FMNL2: variants seen among roughly 807,000 people sequenced by gnomAD.
FMNL2 encodes the protein formin-like protein 2.
Under a neutral mutation model 130.2 loss-of-function variants are expected in FMNL2, and 51 were observed. The observed-to-expected ratio is 0.39, with a 90% CI of 0.31 to 0.49. FMNL2 has a LOEUF of 0.49. FMNL2 is among the 20% of genes least tolerant of loss of function. The pLI, the probability that FMNL2 is intolerant of heterozygous loss-of-function variation, is 0.85. For missense variants in FMNL2, 977 were observed against 1,316.2 expected, an observed-to-expected ratio of 0.74 and a Z score of 3.99; for synonymous variants, 465 against 467.1, an observed-to-expected ratio of 1.00 and a Z score of 0.06.
chr2:152,584,842 C>G (rs1696979939), intron 9 of FMNL2, among the ~76,000 whole-genome samples: 1 of 152,038 alleles, frequency 6.6e-6, no homozygotes, highest in Non-Finnish European at 1.5e-5. Flanking sequence ...AAAAATCTTG[C>G]TACAAATCTT....
At chr2:152,377,818 T>G (rs1684253987) in intron 1 of FMNL2, among the ~76,000 whole-genome samples, 1 of 152,182 alleles carries the variant, frequency 6.6e-6, no homozygotes. Flanking sequence ...TCTCAAGTAG[T>G]CTTAAAGTTT....
At chr2:152,626,298 A>G (rs1025537407) in intron 16 of FMNL2, among the ~76,000 whole-genome samples, 1 of 152,154 alleles carries the variant, frequency 6.6e-6, no homozygotes, top group Non-Finnish European at 1.5e-5. Flanking sequence ...TGGCCTCCCA[A>G]AGTGCTGGGA....
chr2:152,547,609 C>T (rs1694715054), intron 3 of FMNL2, among the ~76,000 whole-genome samples: 1 of 152,164 alleles, frequency 6.6e-6, no homozygotes, highest in South Asian at 2.1e-4. Context: ...CTGTGCTGAG[C>T]CGTGCTTCAG....
chr2:152,557,916 A>G (rs929179760), intron 4 of FMNL2, among the ~76,000 whole-genome samples: 6 of 152,134 alleles, frequency 3.9e-5, no homozygotes, highest in South Asian at 2.1e-4. Flanking sequence ...ATCAGGTACC[A>G]TATGTTGTTT....
chr2:152,645,042 G>C (rs1683428216), intron 25 of FMNL2, among the ~76,000 whole-genome samples: 1 of 152,182 alleles, frequency 6.6e-6, no homozygotes, highest in Non-Finnish European at 1.5e-5. Flanking sequence ...TCTATGAATT[G>C]CACTTATGTA....
intron 2 of FMNL2, among the ~76,000 whole-genome samples, chr2:152,541,764 GTTC>G (rs1004400243): frequency 1.2e-4 from 19 of 152,022 alleles, no homozygotes; most frequent in Non-Finnish European, 1.8e-4. Flanking sequence ...GAAATCAGGT[GTTC>G]TTCTTGGCTC....
intron 6 of FMNL2, among the ~76,000 whole-genome samples, chr2:152,563,718 A>T (rs1193526432): frequency 6.6e-6 from 1 of 150,410 alleles, no homozygotes; most frequent in Non-Finnish European, 1.5e-5. Context: ...TAGCCATCTC[A>T]TTTCTGATTG....
At chr2:152,597,497 C>T (rs1350332936) in intron 9 of FMNL2, among the ~76,000 whole-genome samples, 1 of 152,178 alleles carries the variant, frequency 6.6e-6, no homozygotes, top group Non-Finnish European at 1.5e-5. Context: ...ATACCTTTTA[C>T]TGCTTCATCA....
At chr2:152,552,039 A>G (rs6756367) in intron 4 of FMNL2, among the ~76,000 whole-genome samples, 1,662 of 152,288 alleles carry the variant, frequency 0.011, 34 homozygotes, top group African/African-American at 0.038. Context: ...AATTTTTGCT[A>G]TGCCCCTTTC....
intron 9 of FMNL2, among the ~76,000 whole-genome samples, chr2:152,603,907 G>T (rs961143524): frequency 2.0e-5 from 3 of 150,876 alleles, no homozygotes; most frequent in Non-Finnish European, 3.0e-5. Context: ...AAGACTGAGG[G>T]TTTAATCAGC....
intron 1 of FMNL2, among the ~76,000 whole-genome samples, chr2:152,337,123 G>A (rs1022590699): frequency 1.3e-5 from 2 of 152,098 alleles, no homozygotes; most frequent in Non-Finnish European, 2.9e-5. Flanking sequence ...TGGCCGTCGG[G>A]GAGACAGATG....
At chr2:152,441,408 A>G (rs1688038698) in intron 1 of FMNL2, among the ~76,000 whole-genome samples, 1 of 152,192 alleles carries the variant, frequency 6.6e-6, no homozygotes, top group African/African-American at 2.4e-5. Context: ...GTGGTAGTGC[A>G]TGCATGTAGT....
chr2:152,500,646 T>C (rs1691770533), intron 1 of FMNL2, among the ~76,000 whole-genome samples: 1 of 152,128 alleles, frequency 6.6e-6, no homozygotes, highest in African/African-American at 2.4e-5. Flanking sequence ...TCAGGAGTTC[T>C]AGACCAGCCT....
intron 1 of FMNL2, among the ~76,000 whole-genome samples, chr2:152,489,538 G>C (rs1471178782): frequency 6.6e-6 from 1 of 152,232 alleles, no homozygotes; most frequent in East Asian, 1.9e-4. Flanking sequence ...GAAGGAGCAA[G>C]ATTAACAGAA....
intron 9 of FMNL2, among the ~76,000 whole-genome samples, chr2:152,590,979 ACTTTTTTTTTTTTTTTTTTTTTTTT>A (rs1697400810): frequency 1.1e-5 from 1 of 87,982 alleles, no homozygotes; most frequent in Non-Finnish European, 2.4e-5. Context: ...CCCTCTGATA[ACTTTTTTTTTTTTTTTTTTTTTTTT>A]TTTTTTTTTT....
intron 1 of FMNL2, among the ~76,000 whole-genome samples, chr2:152,511,680 C>A (rs1036944301): frequency 1.3e-5 from 2 of 152,150 alleles, no homozygotes; most frequent in Non-Finnish European, 2.9e-5. Context: ...GTTCAGTAAT[C>A]GTTTCCAGAG....
intron 21 of FMNL2, among the ~76,000 whole-genome samples, chr2:152,633,099 CTT>C (rs767574977): frequency 1.4e-4 from 19 of 140,656 alleles, no homozygotes; most frequent in Admixed American, 1.4e-4. Context: ...CTGTGCTCTT[CTT>C]TTTTTTTTTT....
chr2:152,401,069 A>G (rs898901080), intron 1 of FMNL2, among the ~76,000 whole-genome samples: 2 of 152,234 alleles, frequency 1.3e-5, no homozygotes, highest in South Asian at 4.1e-4. Flanking sequence ...AGTTTCATGT[A>G]CTAGGAGAAG....
intron 5 of FMNL2, 49 bp downstream of exon 5, chr2:152,558,872 A>C (rs747107767): frequency 2.7e-6 from 4 of 1,503,612 alleles, no homozygotes; most frequent in Non-Finnish European, 3.7e-6. Context: ...TGGTCACAGC[A>C]GATGCTACTC....
Sources: allele counts gnomAD v4.1 joint callset (sites outside exome capture counted in the v4.1 genomes callset), GRCh38; gene constraint gnomAD v4.1.1; transcripts MANE v1.5; gene names NCBI Gene and HGNC (gene_info 2026-07-23, HGNC 2026-07-21).